The following DNAAF4 variants were observed in gnomAD, a reference collection of about 807,000 sequenced individuals.
The protein encoded by DNAAF4 is dynein assembly factor 4, axonemal.
In DNAAF4, 43 loss-of-function variants were observed where a neutral mutation model predicts 51.8. The ratio of observed to expected loss-of-function variants is 0.83; its 90% CI spans 0.65 to 1.07. The LOEUF is 1.07. Ranked by LOEUF, DNAAF4 falls within the 50% of genes least tolerant of loss-of-function variation. DNAAF4 has a pLI of 0.00. For synonymous variants in DNAAF4, 194 were observed against 165.6 expected, an observed-to-expected ratio of 1.17 and a Z score of -1.32; for missense variants, 581 against 493.0, an observed-to-expected ratio of 1.18 and a Z score of -1.69.
At chr15:55,492,524 T>C (rs1464067463) in intron 3 of DNAAF4, among the ~76,000 whole-genome samples, 1 of 151,968 alleles carries the variant, frequency 6.6e-6, no homozygotes. Flanking sequence ...TTATAAAACA[T>C]TAAGAAATAA....
intron 8 of DNAAF4, among the ~76,000 whole-genome samples, chr15:55,432,870 A>T (rs1173265783): frequency 6.6e-6 from 1 of 152,138 alleles, no homozygotes. Flanking sequence ...GAATTGCTTG[A>T]ACCAGGGAGG....
chr15:55,487,660 G>T (rs1231428289), intron 4 of DNAAF4, among the ~76,000 whole-genome samples: 1 of 151,742 alleles, frequency 6.6e-6, no homozygotes, highest in Non-Finnish European at 1.5e-5. Flanking sequence ...CTACCGAGAG[G>T]AACAAACAAC....
chr15:55,428,669 T>C (rs199574196), downstream of DNAAF4, among the ~76,000 whole-genome samples: 2 of 150,668 alleles, frequency 1.3e-5, no homozygotes, highest in East Asian at 2.0e-4. Flanking sequence ...TAAATTTTTG[T>C]ATTTTTAGTG....
chr15:55,488,716 C>T (rs1444724672), intron 4 of DNAAF4, among the ~76,000 whole-genome samples: 3 of 152,026 alleles, frequency 2.0e-5, no homozygotes, highest in Non-Finnish European at 2.9e-5. Flanking sequence ...TTAATATAAC[C>T]CGTATCTTCA....
At position 55,474,937 on chromosome 15, in the gene DNAAF4, C is replaced by T. The variant is rs567945120; in HGVS notation, c.406-7776G>A. Among the ~76,000 whole-genome samples the T allele has an allele frequency of 2.3e-3, 352 of 152,292 alleles. 4 individuals are homozygous for T. Among genetic ancestry groups the T allele is most frequent in the African/African-American group, 7.9e-3 (329 of 41,560 alleles). ...GAGGTTGCAGTGAGCCAAGATCGCG[C>T]CACTGCACGCCAGCCTGGGATACAG... On this transcript the variant is annotated intron_variant, in intron 4 of 9. Coordinates refer to ENST00000321149, the MANE Select transcript of DNAAF4 (RefSeq NM_130810.4).
In DNAAF4 at chr15:55,475,944, C is replaced by T. The variant is rs575296307; in HGVS notation, c.406-8783G>A. 1.7e-4 allele frequency among the ~76,000 whole-genome samples: 26 copies of T among 152,158 alleles called. 1 individual carries two copies. The highest frequency in any genetic ancestry group is 6.8e-3 in the Middle Eastern group (2 of 294). On this transcript the variant is annotated intron_variant, in intron 4 of 9. Coordinates refer to ENST00000321149, the MANE Select transcript of DNAAF4 (RefSeq NM_130810.4). Reference sequence around the variant, plus strand: ...AAAGATTATGTAAATGAGAGAGCTACGGATGCATGGTGACCCTATCACCTT... The same window carrying T: ...AAAGATTATGTAAATGAGAGAGCTATGGATGCATGGTGACCCTATCACCTT...
In DNAAF4 at chr15:55,452,764, G is replaced by A. The variant is rs185968074; in HGVS notation, c.638-2397C>T. On this transcript the variant is annotated intron_variant, in intron 5 of 9. Coordinates refer to ENST00000321149, the MANE Select transcript of DNAAF4 (RefSeq NM_130810.4). Reference sequence around the variant, plus strand: ...TGCTTCATCATCGAACTTAAAGCCAGGGTCATCTCAAAAGCTGACACAAAG... The same window carrying A: ...TGCTTCATCATCGAACTTAAAGCCAAGGTCATCTCAAAAGCTGACACAAAG... Among the ~76,000 whole-genome samples the A allele has an allele frequency of 1.2e-4, 19 of 152,292 alleles. No homozygotes were observed. In the East Asian group the frequency reaches 2.9e-3, roughly 23 times the overall value.
chr15:55,465,999 C>G (rs530202680), intron 5 of DNAAF4, among the ~76,000 whole-genome samples: 1 of 152,226 alleles, frequency 6.6e-6, no homozygotes, highest in South Asian at 2.1e-4. Flanking sequence ...GTGTACACTG[C>G]TTGGTTGATG....
chr15:55,418,556 C>A, intron 7 of DNAAF4: 1 of 1,463,134 alleles, frequency 6.8e-7, no homozygotes, highest in South Asian at 1.3e-5. Flanking sequence ...TCCTAATATT[C>A]AACACACTCT....
chr15:55,443,205 G>C, intron 6 of DNAAF4: 6 of 1,609,906 alleles, frequency 3.7e-6, no homozygotes, highest in Non-Finnish European at 5.1e-6. Flanking sequence ...TCCAGCTGGG[G>C]TTGGGGACAG....
At chr15:55,431,786 ATT>A (rs58921233) in intron 9 of DNAAF4, among the ~76,000 whole-genome samples, 1 of 144,236 alleles carries the variant, frequency 6.9e-6, no homozygotes. Flanking sequence ...CCTATCATGT[ATT>A]TTTTTTTTTT....
chr15:55,442,911 A>C (rs996728327), intron 6 of DNAAF4: 1 of 1,612,016 alleles, frequency 6.2e-7, no homozygotes, highest in African/African-American at 1.3e-5. Flanking sequence ...GAATCAATCC[A>C]GGTGGTCCTT....
chr15:55,434,537 A>G (rs1220231723), intron 8 of DNAAF4, among the ~76,000 whole-genome samples: 1 of 152,146 alleles, frequency 6.6e-6, no homozygotes, highest in Non-Finnish European at 1.5e-5. Context: ...GATTGTAGAG[A>G]TATCTGGGCT....
At chr15:55,458,138 A>T (rs2058046342) in intron 5 of DNAAF4, among the ~76,000 whole-genome samples, 1 of 152,094 alleles carries the variant, frequency 6.6e-6, no homozygotes. Context: ...GTTCTGTAAC[A>T]CCCCCAAAAG....
intron 3 of DNAAF4, among the ~76,000 whole-genome samples, chr15:55,491,624 C>T (rs1227670541): frequency 7.0e-6 from 1 of 143,298 alleles, no homozygotes; most frequent in African/African-American, 2.6e-5. Flanking sequence ...CACAATAAAT[C>T]ATCATTTATA....
At chr15:55,461,269 C>A (rs899674956) in intron 5 of DNAAF4, among the ~76,000 whole-genome samples, 2 of 151,740 alleles carry the variant, frequency 1.3e-5, no homozygotes, top group Non-Finnish European at 2.9e-5. Flanking sequence ...GGGGTTTCAC[C>A]GTGTTAGCCA....
chr15:55,455,921 A>C (rs2058013821), intron 5 of DNAAF4, among the ~76,000 whole-genome samples: 1 of 151,940 alleles, frequency 6.6e-6, no homozygotes, highest in South Asian at 2.1e-4. Flanking sequence ...ACTTAGACTG[A>C]AGTGTTGTGA....
intron 4 of DNAAF4, among the ~76,000 whole-genome samples, chr15:55,482,256 T>C (rs2058422027): frequency 6.6e-6 from 1 of 152,174 alleles, no homozygotes. Flanking sequence ...TCATCATACA[T>C]TGTTGGTGGG....
chr15:55,497,794 T>C lies in DNAAF4; in HGVS notation c.189A>G (p.Lys63=). The stretch of plus-strand genomic sequence containing the variant: ...CAATGGTGTCATTCCCAATCTTTGC[T>C]TTGCTGCTCTCATCGTCTATGGGAG... The part of the protein sequence containing the change: ...LYAPIDDESS[K]AKIGNDTIVF... The change falls in exon 3 of 10, where the codon AAA becomes AAG. Residue 63 remains lysine (K), a synonymous_variant. Coordinates refer to ENST00000321149, the MANE Select transcript of DNAAF4 (RefSeq NM_130810.4). 1 of 1,614,112 alleles carries C rather than the reference T, an allele frequency of 6.2e-7. No individual in the cohort carries two copies. Among genetic ancestry groups the C allele is most frequent in the Non-Finnish European group, 8.5e-7 (1 of 1,180,004 alleles).
Sources: allele counts gnomAD v4.1 joint callset (sites outside exome capture counted in the v4.1 genomes callset), GRCh38; gene constraint gnomAD v4.1.1; transcripts MANE v1.5; gene names NCBI Gene and HGNC (gene_info 2026-07-23, HGNC 2026-07-21).